Variants in RAI14 observed in about 807,000 individuals in gnomAD.
The protein encoded by RAI14 is retinoic acid induced 14, also known as ankycorbin.
RAI14 carries 45 observed loss-of-function variants against 115.4 expected under a neutral mutation model. The ratio of observed to expected loss-of-function variants is 0.39; its 90% CI spans 0.31 to 0.50. The LOEUF (loss-of-function observed/expected upper bound fraction) is 0.50. Among genes scored for constraint, RAI14 ranks in the 20% least tolerant of loss-of-function variants. RAI14 has a pLI of 0.85. For missense variants in RAI14, 939 were observed against 1,131.2 expected (o/e 0.83, Z 2.44); for synonymous variants, 371 against 415.4 (o/e 0.89, Z 1.30).
chr5:34,679,625 C>T lies in RAI14; in HGVS notation c.-48-7247C>T, dbSNP rs566949630. Among the ~76,000 whole-genome samples, 19 of 152,206 alleles carry T rather than the reference C, an allele frequency of 1.2e-4. No homozygotes were observed. In the South Asian group the frequency reaches 2.7e-3, roughly 22 times the overall value. ...GATCCTTGCTCTCCTCTGACCCTAA[C>T]GTTGCATTATTGAAAATGGTCAGCA... On this transcript the variant is annotated intron_variant, in intron 1 of 17. Transcript: ENST00000265109.
chr5:34,717,154 C>G (rs1427185998), intron 2 of RAI14, among the ~76,000 whole-genome samples: 1 of 152,062 alleles, frequency 6.6e-6, no homozygotes, highest in Non-Finnish European at 1.5e-5. Flanking sequence ...GCATTTCTTT[C>G]ATTTATGACT....
chr5:34,808,465 C>T, intron 6 of RAI14, 119 bp from the exon 7 acceptor site: 1 of 877,490 alleles, frequency 1.1e-6, no homozygotes, highest in Non-Finnish European at 1.8e-6. Flanking sequence ...TTCAATGCAA[C>T]TAGAGTGAAT....
At chr5:34,757,705 C>G (rs2150092576) in intron 3 of RAI14, 107 bp downstream of exon 3, 1 of 1,352,330 alleles carries the variant, frequency 7.4e-7, no homozygotes. Context: ...CCTCTCCACT[C>G]CCATGTTGAA....
chr5:34,782,869 C>T (rs1305035723), intron 3 of RAI14, among the ~76,000 whole-genome samples: 1 of 152,172 alleles, frequency 6.6e-6, no homozygotes, highest in East Asian at 1.9e-4. Context: ...AATGATGATT[C>T]CACAGGAATC....
intron 2 of RAI14, among the ~76,000 whole-genome samples, chr5:34,704,135 C>G (rs373328094): frequency 2.0e-5 from 3 of 152,152 alleles, no homozygotes; most frequent in Non-Finnish European, 2.9e-5. Context: ...AGGTCTAATC[C>G]GGCTCAGTCG....
intron 2 of RAI14, among the ~76,000 whole-genome samples, chr5:34,709,422 T>G (rs1741128751): frequency 6.6e-6 from 1 of 152,156 alleles, no homozygotes; most frequent in African/African-American, 2.4e-5. Context: ...CACTCCAGCC[T>G]GGGCCACAGA....
At chr5:34,657,155 C>G (rs1475486276) in intron 1 of RAI14, 3 of 151,804 alleles carry the variant, frequency 2.0e-5, no homozygotes, top group African/African-American at 7.3e-5. Context: ...TTGGGGCAGA[C>G]TCGGGGCCGC....
chr5:34,749,067 G>C (rs1746671188), intron 2 of RAI14, among the ~76,000 whole-genome samples: 1 of 152,182 alleles, frequency 6.6e-6, no homozygotes, highest in Non-Finnish European at 1.5e-5. Context: ...GATGAGGTGT[G>C]CGCAAGATTT....
At chr5:34,713,480 G>C (rs1049688783) in intron 2 of RAI14, among the ~76,000 whole-genome samples, 1 of 151,900 alleles carries the variant, frequency 6.6e-6, no homozygotes, top group African/African-American at 2.4e-5. Flanking sequence ...TCTAATACTG[G>C]AGTTATTAGA....
At chr5:34,749,246 C>T (rs569455773) in intron 2 of RAI14, among the ~76,000 whole-genome samples, 20 of 152,256 alleles carry the variant, frequency 1.3e-4, no homozygotes, top group Admixed American at 3.3e-4. Context: ...GATGGCTGCC[C>T]GAGCAGAGGC....
At chr5:34,815,585 C>G (rs1355900672) in intron 12 of RAI14, among the ~76,000 whole-genome samples, 2 of 151,948 alleles carry the variant, frequency 1.3e-5, no homozygotes, top group African/African-American at 4.8e-5. Flanking sequence ...ACAAAGTTTA[C>G]TTATATGGAA....
rs1057121720 is a variant in RAI14 at position 34,785,015 on chromosome 5, A to G, written c.168-10924A>G. ...CTCCATAGGTTGTATAACTGAATTA[A>G]TGGCTCATAAATCAGTTAACATTCT... On this transcript the variant is annotated intron_variant, in intron 3 of 17. Transcript: ENST00000265109. Among the ~76,000 whole-genome samples, 67 of 152,194 alleles carry G rather than the reference A, an allele frequency of 4.4e-4. 1 individual carries two copies. Among genetic ancestry groups the G allele is most frequent in the Admixed American group, 2.6e-3 (39 of 15,282 alleles).
At chr5:34,690,773 T>C (rs952512828) in intron 2 of RAI14, among the ~76,000 whole-genome samples, 4 of 152,176 alleles carry the variant, frequency 2.6e-5, no homozygotes, top group Non-Finnish European at 5.9e-5. Context: ...GGAATTTCTA[T>C]GGTGGATAAC....
chr5:34,704,814 C>T (rs1394989112), intron 2 of RAI14, among the ~76,000 whole-genome samples: 1 of 152,152 alleles, frequency 6.6e-6, no homozygotes, highest in African/African-American at 2.4e-5. Context: ...CACTTACATT[C>T]CGTAGGAAGT....
chr5:34,736,859 G>T (rs1384111029), intron 2 of RAI14, among the ~76,000 whole-genome samples: 9 of 152,200 alleles, frequency 5.9e-5, no homozygotes, highest in Admixed American at 2.6e-4. Flanking sequence ...TAGTGATTGA[G>T]TAATTCAGGA....
intron 5 of RAI14, 123 bp from the exon 6 acceptor site, chr5:34,807,676 TG>T: frequency 1.3e-6 from 1 of 766,144 alleles, no homozygotes; most frequent in Non-Finnish European, 2.3e-6. Context: ...ACACAGCAGC[TG>T]GGGCTTATTT....
At chr5:34,801,431 A>G (rs1032215509) in intron 4 of RAI14, among the ~76,000 whole-genome samples, 2 of 152,216 alleles carry the variant, frequency 1.3e-5, no homozygotes, top group African/African-American at 2.4e-5. Flanking sequence ...TCAGTGTTAC[A>G]GACTGAAGAC....
intron 2 of RAI14, among the ~76,000 whole-genome samples, chr5:34,731,412 G>A (rs1294266938): frequency 6.6e-6 from 1 of 152,130 alleles, no homozygotes; most frequent in East Asian, 1.9e-4. Flanking sequence ...AAATTATCTT[G>A]CAATGATATA....
chr5:34,658,666 C>T (rs1353370724), intron 1 of RAI14, among the ~76,000 whole-genome samples: 1 of 152,100 alleles, frequency 6.6e-6, no homozygotes, highest in Non-Finnish European at 1.5e-5. Context: ...GGCGTGGTGG[C>T]ACGCACTTGT....
Sources: allele counts gnomAD v4.1 joint callset (sites outside exome capture counted in the v4.1 genomes callset), GRCh38; gene constraint gnomAD v4.1.1; transcripts MANE v1.5; gene names NCBI Gene and HGNC (gene_info 2026-07-23, HGNC 2026-07-21).